FAHD1: variants seen among roughly 807,000 people sequenced by gnomAD.
FAHD1 encodes the protein FAH domain containing oxaloacetate decarboxylase 1.
In FAHD1, 14 loss-of-function variants were observed where a neutral mutation model predicts 12.7. That is an observed-to-expected ratio of 1.10 (90% confidence interval 0.73 to 1.72). The LOEUF (loss-of-function observed/expected upper bound fraction) is 1.72, where lower values mean the gene tolerates loss of function less well. FAHD1 is among the 40% of genes most tolerant of loss of function. The pLI is 0.00. For synonymous variants in FAHD1, 153 were observed against 124.9 expected (o/e 1.22, Z -1.50); for missense variants, 351 against 298.9 (o/e 1.17, Z -1.29).
At chr16:1,834,042 C>T in intron 1 of FAHD1, 1 of 417,012 alleles carries the variant, frequency 2.4e-6, no homozygotes, top group Non-Finnish European at 4.2e-6. Context: ...TGGGAGGAGA[C>T]AAGGCAAAGA....
In FAHD1 at chr16:1,827,848, G is replaced by T. The variant is rs372228511; in HGVS notation, c.610G>T (p.Ala204Ser). The change falls in exon 1 of 1, where the codon GCT becomes TCT. Residue 204 changes from alanine (A) to serine (S), a missense_variant. Coordinates refer to ENST00000427358, the Ensembl canonical transcript of FAHD1. ...GGTTAAAGAAAACGATGAGATCGAG[G>T]CTGGCATACACGGGCTGGTCAGTAT... is the stretch of plus-strand genomic sequence containing the variant. 7 of 1,613,996 alleles carry T rather than the reference G, an allele frequency of 4.3e-6. No individual in the cohort carries two copies. In the African/African-American group the frequency reaches 9.3e-5, roughly 22 times the overall value.
downstream of FAHD1, among the ~76,000 whole-genome samples, chr16:1,830,923 C>CAA (rs1898609922): frequency 1.2e-5 from 1 of 81,284 alleles, no homozygotes; most frequent in Non-Finnish European, 3.2e-5. Context: ...TCTATACACA[C>CAA]ACACACACAC....
At chr16:1,839,563 G>A (rs920939976) in exon 3 of FAHD1, 3 of 805,006 alleles carry the variant, frequency 3.7e-6, no homozygotes, top group African/African-American at 1.8e-5. Flanking sequence ...AGTGTTCAGT[G>A]CTATGCGGTC....
At chr16:1,827,256 A>C (rs763199794) in exon 1 of FAHD1, 11 of 1,610,736 alleles carry the variant, frequency 6.8e-6, no homozygotes, top group Non-Finnish European at 8.5e-6. Flanking sequence ...CATCCAGGCC[A>C]TTGTCCCGCT....
At chr16:1,834,499 C>T in intron 1 of FAHD1, 2 of 552,974 alleles carry the variant, frequency 3.6e-6, no homozygotes, top group East Asian at 3.1e-5. Context: ...TATAAACTTC[C>T]ATTAGAGCTG....
At chr16:1,828,118 A>G (rs1898543094) in exon 1 of FAHD1, 4 of 980,614 alleles carry the variant, frequency 4.1e-6, no homozygotes, top group African/African-American at 3.3e-5. Flanking sequence ...CGTCTCTACT[A>G]AAAATACAAA....
At chr16:1,832,373 G>A (rs1378217024), downstream of FAHD1, among the ~76,000 whole-genome samples, 3 of 150,768 alleles carry the variant, frequency 2.0e-5, no homozygotes, top group East Asian at 2.0e-4. Flanking sequence ...GGGCTTCACC[G>A]TGTTAGCCAG....
Position 1,834,243 on chromosome 16 carries a change from A to ATTT in FAHD1, c.628-3772_628-3771insTTT, listed in dbSNP as rs573708362. 2.7e-4 allele frequency: 396 copies of ATTT among 1,464,476 alleles called. No individual in the cohort carries two copies. The African/African-American group carries it at 4.6e-3, about 17-fold the overall frequency. 90.7% of individuals were successfully genotyped at this position (1,464,476 alleles called of 1,614,324 possible). On this transcript the variant is annotated intron_variant, in intron 1 of 2. Transcript: ENST00000382666. ...CTCTTATACTTTTCCAGAGTTCAAA[A>ATTT]TGATAGACCGTTTTAAACATGTTTT... is the stretch of plus-strand genomic sequence containing the variant.
At chr16:1,832,676 C>T (rs576035997), downstream of FAHD1, among the ~76,000 whole-genome samples, 10 of 152,186 alleles carry the variant, frequency 6.6e-5, no homozygotes, top group Non-Finnish European at 1.3e-4. Flanking sequence ...CTCCTGGACA[C>T]GGGGCTCAGT....
exon 1 of FAHD1, chr16:1,827,806 C>T: frequency 6.2e-7 from 1 of 1,614,024 alleles, no homozygotes; most frequent in African/African-American, 1.3e-5. Flanking sequence ...GACTGGGACG[C>T]CAAAGGGAGT....
chr16:1,831,249 T>C (rs1898616238), downstream of FAHD1, among the ~76,000 whole-genome samples: 1 of 152,234 alleles, frequency 6.6e-6, no homozygotes, highest in South Asian at 2.1e-4. Flanking sequence ...TTAATGGCTG[T>C]ATCTCAGATC....
downstream of FAHD1, among the ~76,000 whole-genome samples, chr16:1,832,178 CTTTT>C (rs57889123): frequency 8.4e-4 from 91 of 108,818 alleles, no homozygotes; most frequent in Middle Eastern, 0.017. Context: ...TATGGTCATT[CTTTT>C]TTTTTTTTTT....
downstream of FAHD1, among the ~76,000 whole-genome samples, chr16:1,832,124 A>C (rs574553638): frequency 6.6e-6 from 1 of 151,530 alleles, no homozygotes; most frequent in Non-Finnish European, 1.5e-5. Context: ...ACTGTTTAAG[A>C]ATACCTTTAC....
At chr16:1,835,280 T>A (rs902484187) in intron 1 of FAHD1, among the ~76,000 whole-genome samples, 1 of 151,308 alleles carries the variant, frequency 6.6e-6, no homozygotes, top group South Asian at 2.1e-4. Flanking sequence ...AAAAAAAGTA[T>A]AACATATGAA....
chr16:1,829,033 G>A, downstream of FAHD1: 1 of 538,386 alleles, frequency 1.9e-6, no homozygotes, highest in Non-Finnish European at 2.4e-6. Flanking sequence ...TGTTAACACA[G>A]TTAATCAGCA....
chr16:1,834,280 G>A (rs200701039), intron 1 of FAHD1: 1 of 1,609,388 alleles, frequency 6.2e-7, no homozygotes. Flanking sequence ...GTCCAGACAA[G>A]TTTCTGCTTG....
chr16:1,827,984 T>C, exon 1 of FAHD1: 1 of 1,542,224 alleles, frequency 6.5e-7, no homozygotes, highest in South Asian at 1.3e-5. Context: ...AATCCTTTAA[T>C]TAGAAACCAT....
At chr16:1,839,573 C>T (rs1274251553) in exon 3 of FAHD1, 17 of 728,792 alleles carry the variant, frequency 2.3e-5, no homozygotes, top group Middle Eastern at 4.0e-4. Flanking sequence ...GCTATGCGGT[C>T]TACAAGACAG....
At chr16:1,830,788 A>G (rs1312092748), downstream of FAHD1, among the ~76,000 whole-genome samples, 1 of 152,150 alleles carries the variant, frequency 6.6e-6, no homozygotes, top group East Asian at 1.9e-4. Flanking sequence ...CAATACAATG[A>G]ACTCCATATG....
Sources: allele counts gnomAD v4.1 joint callset (sites outside exome capture counted in the v4.1 genomes callset), GRCh38; gene constraint gnomAD v4.1.1; transcripts MANE v1.5; gene names NCBI Gene and HGNC (gene_info 2026-07-23, HGNC 2026-07-21).